Variants in SLC8A1 observed in about 807,000 individuals in gnomAD.
SLC8A1 encodes the protein solute carrier family 8 member A1.
In SLC8A1, 18 loss-of-function variants were observed where a neutral mutation model predicts 68.3. The ratio of observed to expected loss-of-function variants is 0.26; its 90% CI spans 0.18 to 0.39. The LOEUF (loss-of-function observed/expected upper bound fraction) is 0.39, where lower values mean the gene tolerates loss of function less well. SLC8A1 is among the 10% of genes least tolerant of loss of function. SLC8A1 has a pLI of 1.00. For missense variants in SLC8A1, 985 were observed against 1,156.7 expected, an observed-to-expected ratio of 0.85 and a Z score of 2.15; for synonymous variants, 475 against 415.5, an observed-to-expected ratio of 1.14 and a Z score of -1.74.
intron 2 of SLC8A1, among the ~76,000 whole-genome samples, chr2:40,234,626 C>T (rs1300004935): frequency 7.2e-5 from 11 of 152,172 alleles, no homozygotes; most frequent in Admixed American, 7.2e-4. Flanking sequence ...GCCAGAACTT[C>T]CAACAATATG....
At position 40,462,620 on chromosome 2, in the gene SLC8A1, C is replaced by A. The variant is rs72953146; in HGVS notation, c.-24-32316G>T. Among the ~76,000 whole-genome samples the A allele has an allele frequency of 7.2e-3, 1,093 of 151,682 alleles. 15 individuals carry two copies. Among genetic ancestry groups the A allele is most frequent in the African/African-American group, 0.025 (1,032 of 41,346 alleles). On this transcript the variant is annotated intron_variant, in intron 1 of 7. Coordinates refer to the SLC8A1 transcript ENST00000402441. ...CCCAGGAGTTCGAGACCAGCCTGAG[C>A]AACCTAGTGAGAACTCATCTCAATA...
intron 1 of SLC8A1, among the ~76,000 whole-genome samples, chr2:40,447,898 CCTT>C (rs1299811776): frequency 2.0e-5 from 3 of 152,208 alleles, no homozygotes; most frequent in African/African-American, 7.2e-5. Flanking sequence ...ATGTTCCCCT[CCTT>C]CTACTGAAAC....
intron 6 of SLC8A1, among the ~76,000 whole-genome samples, chr2:40,140,450 C>A (rs2041339771): frequency 6.6e-6 from 1 of 152,212 alleles, no homozygotes; most frequent in African/African-American, 2.4e-5. Context: ...CTCAGAGGAG[C>A]TTCCCAACAC....
intron 1 of SLC8A1, among the ~76,000 whole-genome samples, chr2:40,476,691 T>C (rs1483597009): frequency 6.6e-6 from 1 of 152,134 alleles, no homozygotes; most frequent in Non-Finnish European, 1.5e-5. Context: ...TGGGAGCAAG[T>C]GTGGTTAGTG....
intron 3 of SLC8A1, among the ~76,000 whole-genome samples, chr2:40,177,064 G>A (rs1280505001): frequency 2.6e-5 from 4 of 151,840 alleles, no homozygotes; most frequent in Non-Finnish European, 4.4e-5. Context: ...TTTTATATGT[G>A]TTAATAATTT....
At chr2:40,236,893 G>C (rs2060464285) in intron 2 of SLC8A1, among the ~76,000 whole-genome samples, 1 of 151,810 alleles carries the variant, frequency 6.6e-6, no homozygotes, top group Non-Finnish European at 1.5e-5. Flanking sequence ...ATTCTGGGTT[G>C]AAAATTCTTT....
At chr2:40,363,646 TA>T (rs1215847251) in intron 2 of SLC8A1, among the ~76,000 whole-genome samples, 1 of 152,148 alleles carries the variant, frequency 6.6e-6, no homozygotes, top group East Asian at 1.9e-4. Flanking sequence ...ATATGTTTCT[TA>T]AAATATGCAT....
intron 2 of SLC8A1, among the ~76,000 whole-genome samples, chr2:40,403,334 T>G (rs953794824): frequency 6.6e-6 from 1 of 152,232 alleles, no homozygotes; most frequent in South Asian, 2.1e-4. Context: ...TCTCGTTTCA[T>G]GGTTAGCAGG....
chr2:40,428,713 G>A (rs879232229), exon 2 of SLC8A1: 2 of 1,613,818 alleles, frequency 1.2e-6, no homozygotes, highest in South Asian at 2.2e-5. Context: ...AGTGGAGGGA[G>A]ATCCGAGGCA....
chr2:40,395,529 C>G (rs1255191037), intron 2 of SLC8A1, among the ~76,000 whole-genome samples: 2 of 152,058 alleles, frequency 1.3e-5, no homozygotes, highest in Non-Finnish European at 2.9e-5. Context: ...CTGTCTGGCC[C>G]CTCATGAGAA....
chr2:40,406,093 G>A (rs1238209355), intron 2 of SLC8A1, among the ~76,000 whole-genome samples: 1 of 152,030 alleles, frequency 6.6e-6, no homozygotes, highest in Non-Finnish European at 1.5e-5. Context: ...AGTTAATATT[G>A]GATTCATTTG....
intron 2 of SLC8A1, among the ~76,000 whole-genome samples, chr2:40,299,589 G>C (rs1423082577): frequency 1.3e-5 from 2 of 152,168 alleles, no homozygotes; most frequent in African/African-American, 4.8e-5. Context: ...CAGAGGTGAT[G>C]TGCAAACATT....
chr2:40,251,757 T>C (rs774700099), intron 2 of SLC8A1: 1 of 152,170 alleles, frequency 6.6e-6, no homozygotes. Flanking sequence ...CACCATTTAA[T>C]AAGTAAATAC....
chr2:40,348,655 G>C (rs1670088202), intron 2 of SLC8A1, among the ~76,000 whole-genome samples: 1 of 152,172 alleles, frequency 6.6e-6, no homozygotes, highest in African/African-American at 2.4e-5. Context: ...GGGTCTTGCA[G>C]AACCTCTGCA....
At chr2:40,481,468 A>C (rs571387641) in intron 1 of SLC8A1, among the ~76,000 whole-genome samples, 1 of 152,294 alleles carries the variant, frequency 6.6e-6, no homozygotes, top group Non-Finnish European at 1.5e-5. Context: ...TAAAAATAAG[A>C]GTGTCACTTT....
intron 2 of SLC8A1, among the ~76,000 whole-genome samples, chr2:40,367,856 C>G (rs1460582524): frequency 6.6e-6 from 1 of 152,056 alleles, no homozygotes; most frequent in African/African-American, 2.4e-5. Context: ...AGACTGAAGA[C>G]AACACAACCC....
intron 2 of SLC8A1, among the ~76,000 whole-genome samples, chr2:40,420,183 T>C (rs1695090931): frequency 6.6e-6 from 1 of 152,156 alleles, no homozygotes; most frequent in South Asian, 2.1e-4. Context: ...TTTTATAAGA[T>C]GAACTGCCAT....
chr2:40,168,971 C>G (rs527576275), intron 4 of SLC8A1, among the ~76,000 whole-genome samples: 17 of 152,294 alleles, frequency 1.1e-4, no homozygotes, highest in African/African-American at 3.8e-4. Flanking sequence ...TAAAACAGTC[C>G]TGGAATAGAA....
chr2:40,253,045 ATG>A (rs2063156598), intron 2 of SLC8A1, among the ~76,000 whole-genome samples: 1 of 86,330 alleles, frequency 1.2e-5, no homozygotes, highest in Non-Finnish European at 2.8e-5. Context: ...GTATCAGTAT[ATG>A]TATATATGTA....
Sources: gnomAD v4.1 joint callset for allele counts (sites outside exome capture counted in the v4.1 genomes callset) on GRCh38, gnomAD v4.1.1 for gene constraint, MANE v1.5 for transcripts, NCBI Gene and HGNC (gene_info 2026-07-23, HGNC 2026-07-21) for gene names.